The following CGGBP1 variants were observed in gnomAD, a reference collection of about 807,000 sequenced individuals.
CGGBP1 encodes CGG triplet repeat-binding protein 1.
CGGBP1 carries 4 observed loss-of-function variants against 11.4 expected under a neutral mutation model. The observed-to-expected ratio is 0.35, with a 90% CI of 0.17 to 0.80. CGGBP1 has a LOEUF of 0.80. CGGBP1 is among the 30% of genes least tolerant of loss of function. The pLI, the probability that CGGBP1 is intolerant of heterozygous loss-of-function variation, is 0.52. For missense variants in CGGBP1, 135 were observed against 202.1 expected, an observed-to-expected ratio of 0.67 and a Z score of 2.01; for synonymous variants, 76 against 74.1, an observed-to-expected ratio of 1.03 and a Z score of -0.13.
intron 2 of CGGBP1, among the ~76,000 whole-genome samples, chr3:88,112,026 A>C (rs1705120272): frequency 6.6e-6 from 1 of 151,836 alleles, no homozygotes; most frequent in Non-Finnish European, 1.5e-5. Flanking sequence ...GAAGCATTTA[A>C]ATTAAGGAAA....
chr3:88,078,890 A>G (rs956872130), intron 2 of CGGBP1, among the ~76,000 whole-genome samples: 7 of 152,110 alleles, frequency 4.6e-5, no homozygotes, highest in South Asian at 2.1e-4. Flanking sequence ...ACTTGGTTCT[A>G]TTATAAATTC....
chr3:88,129,066 C>A lies in CGGBP1; in HGVS notation c.-229+11904G>T, dbSNP rs563906302. 5.6e-4 allele frequency: 700 copies of A among 1,249,128 alleles called. 2 individuals carry two copies. Among genetic ancestry groups the A allele is most frequent in the South Asian group, 1.4e-3 (85 of 62,088 alleles). 77.4% of individuals were successfully genotyped at this position (1,249,128 alleles called of 1,614,324 possible). On this transcript the variant is annotated intron_variant, in intron 2 of 3. Coordinates refer to the CGGBP1 transcript ENST00000462901. ...CCATTTTAACCCTACCAAAAAAAAA[C>A]CAAAAAAAAAAAGTAGCCCACTGTT...
chr3:88,093,740 T>C (rs967240795), intron 2 of CGGBP1, among the ~76,000 whole-genome samples: 2 of 152,240 alleles, frequency 1.3e-5, no homozygotes, highest in African/African-American at 4.8e-5. Context: ...CAGTCTCTAC[T>C]CTATAATCAA....
intron 2 of CGGBP1, among the ~76,000 whole-genome samples, chr3:88,092,625 T>C (rs973318717): frequency 3.9e-5 from 6 of 152,230 alleles, no homozygotes; most frequent in African/African-American, 1.4e-4. Context: ...TTTTTACAGT[T>C]CTTTTGATTT....
chr3:88,147,999 T>TTGCTCATTGCC (rs768659048), intron 1 of CGGBP1, among the ~76,000 whole-genome samples: 12 of 152,168 alleles, frequency 7.9e-5, no homozygotes, highest in Admixed American at 1.3e-4. Flanking sequence ...CTCTAACACA[T>TTGCTCATTGCC]TGCTCATTGC....
intron 2 of CGGBP1, chr3:88,095,296 A>T (rs1455630397): frequency 5.2e-5 from 11 of 211,566 alleles, no homozygotes; most frequent in Non-Finnish European, 9.3e-5. Flanking sequence ...GAGCACAGTG[A>T]TAAGCATATT....
intron 2 of CGGBP1, among the ~76,000 whole-genome samples, chr3:88,123,543 GC>G (rs897545645): frequency 6.6e-6 from 1 of 152,132 alleles, no homozygotes; most frequent in Non-Finnish European, 1.5e-5. Flanking sequence ...AATTATCAGG[GC>G]TTTCCCCTAG....
chr3:88,065,247 G>A (rs894399781), intron 2 of CGGBP1, among the ~76,000 whole-genome samples: 3 of 152,070 alleles, frequency 2.0e-5, no homozygotes, highest in African/African-American at 7.2e-5. Context: ...CTTAGATGTT[G>A]ACGGCTGTAT....
chr3:88,145,513 T>C (rs1181133946), intron 1 of CGGBP1, among the ~76,000 whole-genome samples: 2 of 152,108 alleles, frequency 1.3e-5, no homozygotes, highest in Non-Finnish European at 2.9e-5. Context: ...GACAAAGTTA[T>C]TGGGGTTTAG....
chr3:88,095,978 C>T (rs1704034277), intron 2 of CGGBP1: 1 of 264,548 alleles, frequency 3.8e-6, no homozygotes, highest in African/African-American at 2.4e-5. Context: ...CCGTGTTGCA[C>T]TGTTCTACCT....
chr3:88,123,028 TAAAAAGAA>T (rs1296526414), intron 2 of CGGBP1, among the ~76,000 whole-genome samples: 2 of 149,946 alleles, frequency 1.3e-5, no homozygotes, highest in African/African-American at 4.9e-5. Flanking sequence ...AAAAAAAAAG[TAAAAAGAA>T]AAAAAGAAAA....
chr3:88,140,789 C>T (rs1707080529), intron 2 of CGGBP1: 1 of 1,613,554 alleles, frequency 6.2e-7, no homozygotes, highest in Non-Finnish European at 8.5e-7. Flanking sequence ...CTTCATATGG[C>T]TTAATTTTAA....
At chr3:88,148,020 C>G (rs774997684) in intron 1 of CGGBP1, among the ~76,000 whole-genome samples, 1 of 152,188 alleles carries the variant, frequency 6.6e-6, no homozygotes, top group Non-Finnish European at 1.5e-5. Flanking sequence ...CTCCTCCTTG[C>G]TCAAACGGGC....
intron 2 of CGGBP1, among the ~76,000 whole-genome samples, chr3:88,112,913 A>G (rs1362630585): frequency 1.3e-5 from 2 of 152,196 alleles, no homozygotes; most frequent in East Asian, 3.9e-4. Context: ...AAACTTAAGT[A>G]TATTTCTTTG....
chr3:88,060,853 A>C (rs1475531788), upstream of CGGBP1, among the ~76,000 whole-genome samples: 4 of 152,112 alleles, frequency 2.6e-5, no homozygotes, highest in Non-Finnish European at 4.4e-5. Flanking sequence ...CATTGAAAGA[A>C]AAAGGATGGA....
intron 2 of CGGBP1, among the ~76,000 whole-genome samples, chr3:88,110,484 C>T (rs1455889372): frequency 6.6e-6 from 1 of 152,082 alleles, no homozygotes; most frequent in Non-Finnish European, 1.5e-5. Context: ...CCATGAAATA[C>T]TGTTCTTTTG....
intron 2 of CGGBP1, among the ~76,000 whole-genome samples, chr3:88,081,879 A>G (rs1708094510): frequency 6.6e-6 from 1 of 152,180 alleles, no homozygotes; most frequent in Non-Finnish European, 1.5e-5. Flanking sequence ...AGGATCTCTC[A>G]ATGGATAGCT....
At chr3:88,102,696 A>T (rs1360249449) in intron 2 of CGGBP1, among the ~76,000 whole-genome samples, 1 of 152,136 alleles carries the variant, frequency 6.6e-6, no homozygotes, top group African/African-American at 2.4e-5. Flanking sequence ...ACCAACAACA[A>T]AACCCATATT....
chr3:88,096,427 TA>T (rs1704063241), intron 2 of CGGBP1, among the ~76,000 whole-genome samples: 1 of 151,966 alleles, frequency 6.6e-6, no homozygotes, highest in South Asian at 2.1e-4. Context: ...AGCAGAGGGG[TA>T]AGGGGAGAAA....
Sources: gnomAD v4.1 joint callset for allele counts (sites outside exome capture counted in the v4.1 genomes callset) on GRCh38, gnomAD v4.1.1 for gene constraint, MANE v1.5 for transcripts, NCBI Gene and HGNC (gene_info 2026-07-23, HGNC 2026-07-21) for gene names.